SIK3: variants seen among roughly 807,000 people sequenced by gnomAD.
SIK3 encodes the protein serine/threonine-protein kinase SIK3.
SIK3 carries 28 observed loss-of-function variants against 144.2 expected under a neutral mutation model. The ratio of observed to expected loss-of-function variants is 0.19; its 90% CI spans 0.14 to 0.27. The LOEUF is 0.27. Among genes scored for constraint, SIK3 ranks in the 10% least tolerant of loss-of-function variants. The pLI is 1.00. For synonymous variants in SIK3, 686 were observed against 676.3 expected, an observed-to-expected ratio of 1.01 and a Z score of -0.22; for missense variants, 1,319 against 1,776.0, an observed-to-expected ratio of 0.74 and a Z score of 4.62.
intron 1 of SIK3, among the ~76,000 whole-genome samples, chr11:117,087,599 C>A (rs1227766834): frequency 6.6e-6 from 1 of 152,132 alleles, no homozygotes; most frequent in Non-Finnish European, 1.5e-5. Context: ...AAGCCCTACA[C>A]CCCCAAGCCA....
chr11:117,035,027 C>CT (rs1414351274), intron 1 of SIK3, among the ~76,000 whole-genome samples: 27 of 152,244 alleles, frequency 1.8e-4, no homozygotes, highest in African/African-American at 6.0e-4. Context: ...TTGAACTGAA[C>CT]TTTTTTATCT....
intron 1 of SIK3, among the ~76,000 whole-genome samples, chr11:117,093,243 G>A (rs1955323390): frequency 6.6e-6 from 1 of 152,178 alleles, no homozygotes; most frequent in African/African-American, 2.4e-5. Flanking sequence ...ATCATCTCAT[G>A]TGCTTCGTTA....
chr11:116,901,791 T>A (rs1335784597), intron 4 of SIK3, among the ~76,000 whole-genome samples: 1 of 152,178 alleles, frequency 6.6e-6, no homozygotes, highest in Non-Finnish European at 1.5e-5. Flanking sequence ...AAAACTGCAT[T>A]TAATGCTCTA....
At chr11:116,892,230 T>C (rs910825547) in intron 6 of SIK3, among the ~76,000 whole-genome samples, 3 of 152,060 alleles carry the variant, frequency 2.0e-5, no homozygotes, top group Non-Finnish European at 4.4e-5. Context: ...GATGAAAAGA[T>C]CTAAAGGATG....
At chr11:116,997,928 T>C (rs886858460) in intron 1 of SIK3, among the ~76,000 whole-genome samples, 32 of 152,170 alleles carry the variant, frequency 2.1e-4, no homozygotes, top group African/African-American at 7.5e-4. Context: ...GCCATAATCA[T>C]AGCTCATTGC....
chr11:117,062,761 G>A (rs1473518249), intron 1 of SIK3, among the ~76,000 whole-genome samples: 3 of 152,214 alleles, frequency 2.0e-5, no homozygotes, highest in East Asian at 1.9e-4. Flanking sequence ...AAGTGCCAAC[G>A]GGAGGATTTT....
intron 3 of SIK3, among the ~76,000 whole-genome samples, chr11:116,939,800 T>C (rs1027466417): frequency 2.0e-5 from 3 of 152,212 alleles, no homozygotes; most frequent in African/African-American, 7.2e-5. Flanking sequence ...ACAATCCAGT[T>C]TCTTACATAA....
chr11:116,859,519 G>T lies in SIK3; in HGVS notation c.2511C>A (p.Pro837=), dbSNP rs779828458. Residue 837 remains proline, a synonymous_variant, in exon 20 of 25, where the codon CCC becomes CCA. Coordinates refer to ENST00000445177, the MANE Select transcript of SIK3 (RefSeq NM_001366686.3). ...QQQPENCSSP[P]NVALTCLGMQ... is the part of the protein sequence containing the mutation. Reference sequence around the variant, plus strand: ...TACCCAAGCAGGTTAGTGCCACGTTGGGAGGAGAGGAACAGTTCTCAGGTT... The same window carrying T: ...TACCCAAGCAGGTTAGTGCCACGTTTGGAGGAGAGGAACAGTTCTCAGGTT... 1 of 1,614,084 alleles carries T rather than the reference G, an allele frequency of 6.2e-7. No homozygotes were observed. Among genetic ancestry groups the T allele is most frequent in the Non-Finnish European group, 8.5e-7 (1 of 1,180,052 alleles).
At chr11:117,052,563 C>T (rs980877244) in intron 1 of SIK3, among the ~76,000 whole-genome samples, 2 of 152,168 alleles carry the variant, frequency 1.3e-5, no homozygotes, top group Non-Finnish European at 2.9e-5. Flanking sequence ...CAATCTTCAG[C>T]AGGTTTATAA....
chr11:116,953,813 T>C (rs560219905), intron 3 of SIK3, among the ~76,000 whole-genome samples: 19 of 152,318 alleles, frequency 1.2e-4, no homozygotes, highest in Non-Finnish European at 4.4e-5. Flanking sequence ...ATCTCAACTG[T>C]CAGCGCCTGA....
chr11:117,008,283 C>T (rs964503183), intron 1 of SIK3, among the ~76,000 whole-genome samples: 2 of 151,966 alleles, frequency 1.3e-5, no homozygotes, highest in Non-Finnish European at 2.9e-5. Flanking sequence ...GATTTAATCC[C>T]CACAAGAACC....
At chr11:116,996,336 T>G (rs891186182) in intron 1 of SIK3, among the ~76,000 whole-genome samples, 6 of 151,946 alleles carry the variant, frequency 3.9e-5, no homozygotes, top group African/African-American at 1.2e-4. Flanking sequence ...GAACAAAATT[T>G]TATTCAATAA....
chr11:117,021,164 G>T (rs1381973876), intron 1 of SIK3, among the ~76,000 whole-genome samples: 1 of 152,224 alleles, frequency 6.6e-6, no homozygotes, highest in Non-Finnish European at 1.5e-5. Flanking sequence ...GAGTACAGGA[G>T]AAACCAATTC....
At chr11:116,952,393 C>A (rs1344847548) in intron 3 of SIK3, among the ~76,000 whole-genome samples, 1 of 152,140 alleles carries the variant, frequency 6.6e-6, no homozygotes, top group East Asian at 1.9e-4. Flanking sequence ...CAGAGCAATA[C>A]CTTGTCCAAA....
chr11:116,873,962 A>G lies in SIK3; in HGVS notation c.1522T>C (p.Phe508Leu). 1.3e-5 allele frequency: 21 copies of G among 1,614,036 alleles called. No homozygotes were observed. The highest frequency in any genetic ancestry group is 1.8e-5 in the Non-Finnish European group (21 of 1,179,980). The stretch of plus-strand genomic sequence containing the variant: ...TGCATAGGCAACAGGTTGTGCATGA[A>G]GTTCACATTAGGGGCCACCTGCAGG... Reference protein sequence around the residue: ...PFLQVAPNVNFMHNLLPMQNL... With the variant: ...PFLQVAPNVNLMHNLLPMQNL... Residue 508 changes from phenylalanine to leucine, a missense_variant, in exon 12 of 25, where the codon TTC becomes CTC. Physicochemically the swap from Phe to Leu is conservative, Grantham distance 22. This residue lies in a region of SIK3 where 167 missense variants were observed against 263.3 expected (regional missense o/e 0.63). Coordinates refer to ENST00000445177, the MANE Select transcript of SIK3 (RefSeq NM_001366686.3).
rs143501903 is a variant in SIK3, at chr11:117,066,971, T to C, written c.273+31172A>G. ...GGAAATGTAAATTAAAACCACAAGATACCATGACACAACTATTGGAACAAC... is the reference window on the plus strand; with the variant it reads ...GGAAATGTAAATTAAAACCACAAGACACCATGACACAACTATTGGAACAAC... On this transcript the variant is annotated intron_variant, in intron 1 of 24. Transcript: ENST00000445177. Among the ~76,000 whole-genome samples the C allele has an allele frequency of 3.0e-4, 46 of 152,314 alleles. No homozygotes were observed. The East Asian group carries it at 7.9e-3, about 26-fold the overall frequency.
chr11:117,080,580 G>GA (rs370044939), intron 1 of SIK3, among the ~76,000 whole-genome samples: 44 of 150,824 alleles, frequency 2.9e-4, no homozygotes, highest in Admixed American at 9.2e-4. Context: ...AAATGGAATA[G>GA]AAAAAAAAAC....
intron 1 of SIK3, among the ~76,000 whole-genome samples, chr11:117,041,348 T>C (rs1430806727): frequency 2.0e-5 from 3 of 152,184 alleles, no homozygotes; most frequent in East Asian, 1.9e-4. Flanking sequence ...TGAGAAAGGC[T>C]ACATGCCCCA....
intron 4 of SIK3, among the ~76,000 whole-genome samples, chr11:116,920,155 AC>A (rs1159732079): frequency 7.7e-6 from 1 of 129,410 alleles, no homozygotes; most frequent in Non-Finnish European, 1.6e-5. Context: ...TGAGCTGCTC[AC>A]CCTTTTTTTT....
Sources: allele counts gnomAD v4.1 joint callset (sites outside exome capture counted in the v4.1 genomes callset), GRCh38; gene constraint gnomAD v4.1.1; regional missense constraint gnomAD v4.1.1; transcripts MANE v1.5; gene names NCBI Gene and HGNC (gene_info 2026-07-23, HGNC 2026-07-21).